Variants in PTPRK observed in about 807,000 individuals in gnomAD.
PTPRK encodes receptor-type tyrosine-protein phosphatase kappa.
Under a neutral mutation model 178.0 loss-of-function variants are expected in PTPRK, and 75 were observed. That is an observed-to-expected ratio of 0.42 (90% CI 0.35 to 0.51). PTPRK has a LOEUF of 0.51. PTPRK is among the 20% of genes least tolerant of loss of function. PTPRK has a pLI of 0.02. For synonymous variants in PTPRK, 637 were observed against 620.6 expected (o/e 1.03, Z -0.39); for missense variants, 1,441 against 1,797.8 (o/e 0.80, Z 3.59).
At chr6:127,983,948 TAAC>T (rs34264133) in intron 22 of PTPRK, among the ~76,000 whole-genome samples, 42,707 of 151,464 alleles carry the variant, frequency 0.28, 6,098 homozygotes, top group Admixed American at 0.32. Flanking sequence ...GGGAGGAGAG[TAAC>T]AGTGTAAAGA....
rs78928870 is a variant in PTPRK at position 128,033,544 on chromosome 6, T to C, written c.2195-24276A>G. Among the ~76,000 whole-genome samples, 1,411 of 152,290 alleles carry C rather than the reference T, an allele frequency of 9.3e-3. 50 individuals are homozygous for C. Among genetic ancestry groups the C allele is most frequent in the East Asian group, 0.052 (270 of 5,172 alleles). On this transcript the variant is annotated intron_variant, in intron 13 of 29. Transcript: ENST00000368226. ...TTTGAAAGTCAAAGGAAATGGTGGCTTTACATTTAATGAAAGCTTTTGTGT... is the reference window on the plus strand; with the variant it reads ...TTTGAAAGTCAAAGGAAATGGTGGCCTTACATTTAATGAAAGCTTTTGTGT...
chr6:128,204,406 A>G (rs1200145919), intron 6 of PTPRK, among the ~76,000 whole-genome samples: 1 of 152,212 alleles, frequency 6.6e-6, no homozygotes, highest in East Asian at 1.9e-4. Flanking sequence ...TCTCAACAAA[A>G]GCAAAAATTG....
rs1344398869 is a variant in PTPRK, at chr6:128,519,547, CG to C, written c.100+711del. Among the ~76,000 whole-genome samples, 3 of 152,202 alleles carry C rather than the reference CG, an allele frequency of 2.0e-5. No homozygotes were observed. Among genetic ancestry groups the C allele is most frequent in the Admixed American group, 2.0e-4 (3 of 15,286 alleles). ...TTTGCCCGAGGAGCGGGCTCCCACG[CG>C]CGAGTCAGGCTTCCTCCACCAGGCG... On this transcript the variant is annotated intron_variant, in intron 1 of 29. Coordinates refer to ENST00000368226, the MANE Select transcript of PTPRK (RefSeq NM_002844.4). The surrounding 1 kb of genome is among the most constrained non-coding windows in gnomAD (Gnocchi z 4.3).
intron 7 of PTPRK, among the ~76,000 whole-genome samples, chr6:128,100,180 G>A (rs1418166159): frequency 6.6e-6 from 1 of 151,932 alleles, no homozygotes; most frequent in African/African-American, 2.4e-5. Context: ...CAGGCGACTT[G>A]CAAGGATTAA....
intron 1 of PTPRK, among the ~76,000 whole-genome samples, chr6:128,466,848 T>C (rs1055836351): frequency 5.9e-5 from 9 of 152,144 alleles, no homozygotes; most frequent in African/African-American, 1.9e-4. Context: ...AAAAATAATA[T>C]ACAAATGAAT....
At chr6:128,385,443 G>A (rs1308945470) in intron 2 of PTPRK, among the ~76,000 whole-genome samples, 2 of 152,062 alleles carry the variant, frequency 1.3e-5, no homozygotes, top group South Asian at 2.1e-4. Flanking sequence ...TCAACTTTCT[G>A]TGCATTAATT....
In PTPRK at chr6:128,083,632, C is replaced by T. The variant is rs2115003585; in HGVS notation, c.1575+83G>A. The stretch of plus-strand genomic sequence containing the variant: ...CCCTAATCCTCATTTACGTCTTTTC[C>T]ATATTTCCCTCTAACTTTTCCTTTC... On this transcript the variant is annotated intron_variant, in intron 9 of 29. Transcript: ENST00000368226. The T allele has an allele frequency of 4.4e-6, 3 of 688,558 alleles. No individual in the cohort carries two copies. In the East Asian group the frequency reaches 9.0e-5, roughly 21 times the overall value. 42.7% of individuals were successfully genotyped at this position (688,558 alleles called of 1,614,324 possible). A position where few individuals can be genotyped will look rare whatever the true frequency, so the allele number is the denominator to read the frequency against.
chr6:128,498,054 C>G (rs923070129), intron 1 of PTPRK, among the ~76,000 whole-genome samples: 1 of 151,690 alleles, frequency 6.6e-6, no homozygotes, highest in African/African-American at 2.4e-5. Flanking sequence ...AAAACAAAAA[C>G]AAAAGCAAAA....
intron 4 of PTPRK, 55 bp downstream of exon 4, chr6:128,242,466 T>C: frequency 1.3e-6 from 2 of 1,585,904 alleles, no homozygotes; most frequent in Non-Finnish European, 1.7e-6. Context: ...TCACTGCCAA[T>C]ATAAGGCAAG....
At chr6:128,369,028 G>T (rs552120488) in intron 2 of PTPRK, among the ~76,000 whole-genome samples, 1 of 148,678 alleles carries the variant, frequency 6.7e-6, no homozygotes, top group Non-Finnish European at 1.5e-5. Flanking sequence ...CTTAATTCAC[G>T]TTCTTTTAAA....
At chr6:128,369,310 C>A (rs769406489) in intron 2 of PTPRK, among the ~76,000 whole-genome samples, 14 of 152,070 alleles carry the variant, frequency 9.2e-5, no homozygotes, top group Non-Finnish European at 1.9e-4. Flanking sequence ...TGAAAATATT[C>A]CATATGTAAA....
chr6:128,334,919 C>G (rs967782574), intron 2 of PTPRK, among the ~76,000 whole-genome samples: 1 of 152,034 alleles, frequency 6.6e-6, no homozygotes, highest in African/African-American at 2.4e-5. Flanking sequence ...GAAACCCTGT[C>G]TCTACTAAAA....
chr6:127,983,344 C>T lies in PTPRK; in HGVS notation c.3285G>A (p.Val1095=). 1 of 1,613,688 alleles carries T rather than the reference C, an allele frequency of 6.2e-7. No homozygotes were observed. Among genetic ancestry groups the T allele is most frequent in the Non-Finnish European group, 8.5e-7 (1 of 1,179,752 alleles). Residue 1095 remains valine, a synonymous_variant, in exon 23 of 30, where the codon GTG becomes GTA. Transcript: ENST00000368226. ...AGAGRTGCYI[V]IDIMLDMAER... ...CAGCCATGTCTAGCATGATGTCAATCACAATGTAGCAGCCAGTTCGTCCAG... is the reference window on the plus strand; with the variant it reads ...CAGCCATGTCTAGCATGATGTCAATTACAATGTAGCAGCCAGTTCGTCCAG...
chr6:128,152,807 G>T (rs1797458196), intron 7 of PTPRK, among the ~76,000 whole-genome samples: 1 of 151,918 alleles, frequency 6.6e-6, no homozygotes, highest in South Asian at 2.1e-4. Context: ...TCGTGACAGA[G>T]AAAGTATTAA....
intron 7 of PTPRK, among the ~76,000 whole-genome samples, chr6:128,176,060 C>A (rs1405786133): frequency 6.6e-6 from 1 of 151,810 alleles, no homozygotes; most frequent in African/African-American, 2.4e-5. Context: ...GACTCTGGAA[C>A]AATGACTCTG....
Position 127,976,801 on chromosome 6 carries a change from G to GAA in PTPRK, c.3844-21_3844-20dup. On this transcript the variant is annotated intron_variant, in intron 26 of 29. Coordinates refer to ENST00000368226, the MANE Select transcript of PTPRK (RefSeq NM_002844.4). ...GGCAGCCCTAAATGATGAACGTTTT[G>GAA]AAAGAAAAAAAAAAAGAGTATTATT... 2 of 1,577,652 alleles carry GAA rather than the reference G, an allele frequency of 1.3e-6. No individual in the cohort carries two copies. The highest frequency in any genetic ancestry group is 8.5e-7 in the Non-Finnish European group (1 of 1,170,208).
intron 3 of PTPRK, among the ~76,000 whole-genome samples, chr6:128,289,271 C>G (rs928960115): frequency 5.9e-5 from 9 of 152,050 alleles, no homozygotes; most frequent in Middle Eastern, 6.3e-3. Flanking sequence ...GTTTTAGAAG[C>G]AGTGTCTGTT....
chr6:128,067,632 G>C lies in PTPRK; in HGVS notation c.2044C>G (p.Pro682Ala). 1 of 1,613,652 alleles carries C rather than the reference G, an allele frequency of 6.2e-7. No homozygotes were observed. The highest frequency in any genetic ancestry group is 1.1e-5 in the South Asian group (1 of 91,062). The stretch of plus-strand genomic sequence containing the variant: ...TTGTCACCCACAGTGAACGGGGCAG[G>C]CTCAGGTAGGTTTCCCGGGGGGAGT... ...AELPPGNLPE[P>A]APFTVGDNRT... is the part of the protein sequence containing the mutation. The change falls in exon 12 of 30, where the codon CCT becomes GCT. Residue 682 changes from proline (P) to alanine (A), a missense_variant. Physicochemically the swap from Pro to Ala is conservative, Grantham distance 27 (BLOSUM62 -1). This residue lies in a region of PTPRK where 945 missense variants were observed against 1,080.6 expected (regional missense o/e 0.87). Transcript: ENST00000368226.
intron 1 of PTPRK, among the ~76,000 whole-genome samples, chr6:128,463,741 GTTTT>G (rs896710320): frequency 6.2e-5 from 6 of 96,876 alleles, no homozygotes; most frequent in Middle Eastern, 6.0e-3. Context: ...AATCTTCACG[GTTTT>G]TTTTTTTTTT....
Sources: allele counts gnomAD v4.1 joint callset (sites outside exome capture counted in the v4.1 genomes callset), GRCh38; gene constraint gnomAD v4.1.1; regional missense constraint gnomAD v4.1.1; non-coding constraint Gnocchi (gnomAD v3.1); transcripts MANE v1.5; gene names NCBI Gene and HGNC (gene_info 2026-07-23, HGNC 2026-07-21).